OCA2: variants seen among roughly 807,000 people sequenced by gnomAD.
The protein encoded by OCA2 is OCA2 melanosomal transmembrane protein.
In OCA2, 77 loss-of-function variants were observed where a neutral mutation model predicts 100.2. The observed-to-expected ratio is 0.77, with a 90% CI of 0.64 to 0.93. The LOEUF (loss-of-function observed/expected upper bound fraction) is 0.93, where lower values mean the gene tolerates loss of function less well. Ranked by LOEUF, OCA2 falls within the 40% of genes least tolerant of loss-of-function variation. The pLI is 0.00. For synonymous variants in OCA2, 432 were observed against 439.2 expected (o/e 0.98, Z 0.21); for missense variants, 1,062 against 1,089.1 (o/e 0.98, Z 0.35).
intron 23 of OCA2, among the ~76,000 whole-genome samples, chr15:27,809,414 C>T (rs1365818045): frequency 6.6e-6 from 1 of 152,162 alleles, no homozygotes; most frequent in Non-Finnish European, 1.5e-5. Flanking sequence ...TAGCCAACAT[C>T]ATACTGAATG....
chr15:28,054,292 A>G (rs1442653058), intron 2 of OCA2, among the ~76,000 whole-genome samples: 3 of 152,212 alleles, frequency 2.0e-5, no homozygotes, highest in Non-Finnish European at 4.4e-5. Context: ...GCATGTACAC[A>G]TGTATAACTG....
At chr15:27,722,779 T>TC in the OCA2 span, among the ~76,000 whole-genome samples, 61 of 55,724 alleles carry the variant, frequency 1.1e-3, no homozygotes, top group East Asian at 7.0e-3. Flanking sequence ...CTTTTCTTTC[T>TC]TTCTCTCTCT....
chr15:27,980,776 A>C (rs549561842), intron 14 of OCA2, among the ~76,000 whole-genome samples: 6 of 152,184 alleles, frequency 3.9e-5, no homozygotes, highest in African/African-American at 1.4e-4. Context: ...CTCGCCTGTA[A>C]CATGTCTTTT....
At chr15:28,002,918 G>C (rs1345535191) in intron 9 of OCA2, among the ~76,000 whole-genome samples, 1 of 152,196 alleles carries the variant, frequency 6.6e-6, no homozygotes, top group Non-Finnish European at 1.5e-5. Flanking sequence ...CAAATACTGA[G>C]CTGATTTTCT....
intron 23 of OCA2, among the ~76,000 whole-genome samples, chr15:27,777,800 G>A (rs1393195418): frequency 6.6e-6 from 1 of 152,170 alleles, no homozygotes; most frequent in Admixed American, 6.5e-5. Context: ...GTAGGATGCT[G>A]CACCTGTCTG....
chr15:27,751,898 G>A (rs1205400678), downstream of OCA2, among the ~76,000 whole-genome samples: 1 of 152,230 alleles, frequency 6.6e-6, no homozygotes, highest in Non-Finnish European at 1.5e-5. Flanking sequence ...AGTGACTACA[G>A]AACTTGGGCT....
intron 21 of OCA2, among the ~76,000 whole-genome samples, chr15:27,870,725 A>G (rs993920231): frequency 1.1e-5 from 1 of 87,106 alleles, no homozygotes; most frequent in Non-Finnish European, 2.3e-5. Flanking sequence ...GGAAGGAAAG[A>G]AGGAAGGAAG....
At chr15:27,722,725 TTC>T in the OCA2 span, among the ~76,000 whole-genome samples, 20 of 29,460 alleles carry the variant, frequency 6.8e-4, no homozygotes, top group Admixed American at 1.6e-3. Context: ...TCTCTCTTTC[TTC>T]TTTCTTTCTT....
the OCA2 span, among the ~76,000 whole-genome samples, chr15:27,740,246 T>C: frequency 6.6e-6 from 1 of 152,344 alleles, no homozygotes; most frequent in South Asian, 2.1e-4. Context: ...AGCCCTGTGC[T>C]TGGGTGTGAC....
chr15:27,920,692 A>G (rs2038825592), intron 19 of OCA2, among the ~76,000 whole-genome samples: 1 of 152,144 alleles, frequency 6.6e-6, no homozygotes. Context: ...TAAGTAGAGA[A>G]TATCACAAGG....
At chr15:27,908,623 T>C (rs1388867266) in intron 19 of OCA2, among the ~76,000 whole-genome samples, 1 of 152,108 alleles carries the variant, frequency 6.6e-6, no homozygotes, top group African/African-American at 2.4e-5. Flanking sequence ...AAAAGACGAA[T>C]GTGGAGTCCA....
At chr15:27,798,874 T>G (rs1480447014) in intron 23 of OCA2, among the ~76,000 whole-genome samples, 2 of 152,220 alleles carry the variant, frequency 1.3e-5, no homozygotes, top group African/African-American at 2.4e-5. Context: ...AGAGACACAA[T>G]GTAGCCATGT....
chr15:27,831,097 C>G (rs12591191), intron 23 of OCA2, among the ~76,000 whole-genome samples: 21,672 of 151,860 alleles, frequency 0.14, 2,301 homozygotes, highest in East Asian at 0.53. Flanking sequence ...ACCATCCTGG[C>G]CAACACGGTG....
chr15:27,892,409 T>C (rs1363660636), intron 19 of OCA2, among the ~76,000 whole-genome samples: 1 of 152,048 alleles, frequency 6.6e-6, no homozygotes, highest in Non-Finnish European at 1.5e-5. Context: ...AGAAAGACAA[T>C]AGAAAAATCT....
chr15:27,810,186 A>C (rs1274294222), intron 23 of OCA2, among the ~76,000 whole-genome samples: 1 of 152,186 alleles, frequency 6.6e-6, no homozygotes, highest in Admixed American at 6.5e-5. Flanking sequence ...AGACCAATGA[A>C]AGTCAGAAAT....
intron 3 of OCA2, 120 bp from the exon 4 acceptor site, chr15:28,028,179 C>A: frequency 8.7e-7 from 1 of 1,146,866 alleles, no homozygotes; most frequent in Non-Finnish European, 1.3e-6. Flanking sequence ...TTCAAAGGAC[C>A]ACAGACAGTG....
intron 23 of OCA2, among the ~76,000 whole-genome samples, chr15:27,809,848 A>G (rs971095997): frequency 2.6e-5 from 4 of 152,214 alleles, no homozygotes; most frequent in Non-Finnish European, 5.9e-5. Context: ...ACTACAAAAC[A>G]CTGCTGAAAG....
At chr15:28,010,296 A>G (rs1179136092) in intron 9 of OCA2, among the ~76,000 whole-genome samples, 2 of 152,212 alleles carry the variant, frequency 1.3e-5, no homozygotes, top group African/African-American at 4.8e-5. Flanking sequence ...TCATGGTGAA[A>G]GACTGAATGC....
At chr15:27,763,863 G>A (rs547776435) in intron 23 of OCA2, among the ~76,000 whole-genome samples, 2 of 152,344 alleles carry the variant, frequency 1.3e-5, no homozygotes, top group East Asian at 1.9e-4. Flanking sequence ...CAGACAGGGT[G>A]TGAGGCAGCC....
Sources: allele counts gnomAD v4.1 joint callset (sites outside exome capture counted in the v4.1 genomes callset), GRCh38; gene constraint gnomAD v4.1.1; transcripts MANE v1.5; gene names NCBI Gene and HGNC (gene_info 2026-07-23, HGNC 2026-07-21).